SGIP1: variants seen among roughly 807,000 people sequenced by gnomAD.
SGIP1 encodes SH3GL interacting endocytic adaptor 1.
A neutral mutation model predicts 107.5 loss-of-function variants in SGIP1; 38 were observed. The observed-to-expected ratio is 0.35, with a 90% CI of 0.27 to 0.46. The LOEUF (loss-of-function observed/expected upper bound fraction) is 0.46, where lower values mean the gene tolerates loss of function less well. Among genes scored for constraint, SGIP1 ranks in the 20% least tolerant of loss-of-function variants. SGIP1 has a pLI of 1.00. For synonymous variants in SGIP1, 365 were observed against 366.1 expected (o/e 1.00, Z 0.03); for missense variants, 929 against 1,019.5 (o/e 0.91, Z 1.21).
intron 1 of SGIP1, among the ~76,000 whole-genome samples, chr1:66,611,250 A>G (rs1317211351): frequency 6.6e-6 from 1 of 152,250 alleles, no homozygotes; most frequent in East Asian, 1.9e-4. Flanking sequence ...GATAAGATCC[A>G]TTTTGTGGAT....
At chr1:66,580,012 A>T (rs1229960936) in intron 1 of SGIP1, among the ~76,000 whole-genome samples, 1 of 152,122 alleles carries the variant, frequency 6.6e-6, no homozygotes, top group African/African-American at 2.4e-5. Flanking sequence ...TTTCACTCTG[A>T]TCTAAGGCAC....
At chr1:66,638,648 G>T (rs557241973) in intron 4 of SGIP1, among the ~76,000 whole-genome samples, 38 of 152,266 alleles carry the variant, frequency 2.5e-4, no homozygotes, top group African/African-American at 8.9e-4. Flanking sequence ...AGCCCTGCTA[G>T]TCCATAGAAT....
intron 24 of SGIP1, 103 bp from the exon 25 acceptor site, chr1:66,742,970 C>G: frequency 8.6e-7 from 1 of 1,161,442 alleles, no homozygotes; most frequent in Non-Finnish European, 1.3e-6. Context: ...TATGCAGTAT[C>G]TGGCTCCTAG....
intron 22 of SGIP1, among the ~76,000 whole-genome samples, chr1:66,740,456 T>C (rs775465258): frequency 6.6e-5 from 10 of 152,196 alleles, no homozygotes; most frequent in Admixed American, 6.5e-5. Context: ...CATGGTGTTC[T>C]AGCTAGTTAC....
chr1:66,695,303 A>G, intron 17 of SGIP1, 131 bp from the exon 18 acceptor site: 1 of 1,428,176 alleles, frequency 7.0e-7, no homozygotes, highest in East Asian at 3.0e-5. Context: ...TTTTTCCTGC[A>G]CGCTAATGGC....
At chr1:66,578,869 C>T (rs1298701431) in intron 1 of SGIP1, among the ~76,000 whole-genome samples, 1 of 152,132 alleles carries the variant, frequency 6.6e-6, no homozygotes, top group Non-Finnish European at 1.5e-5. Context: ...TGGGGTATGT[C>T]CATGTTGGTC....
chr1:66,678,351 C>T (rs1442134638), intron 13 of SGIP1, among the ~76,000 whole-genome samples: 1 of 152,218 alleles, frequency 6.6e-6, no homozygotes, highest in Non-Finnish European at 1.5e-5. Context: ...GTCTTACGTG[C>T]TGTGGTTACA....
intron 8 of SGIP1, among the ~76,000 whole-genome samples, chr1:66,661,534 T>A (rs2081472924): frequency 6.6e-6 from 1 of 152,162 alleles, no homozygotes; most frequent in Non-Finnish European, 1.5e-5. Flanking sequence ...TGAGCCCAAC[T>A]CTTTTGGTTT....
At chr1:66,610,026 T>C (rs573219057) in intron 1 of SGIP1, among the ~76,000 whole-genome samples, 2 of 152,236 alleles carry the variant, frequency 1.3e-5, no homozygotes, top group East Asian at 3.9e-4. Context: ...TAACAGAAAA[T>C]TTAATCAAAA....
In SGIP1 at chr1:66,651,830, T is replaced by G. The variant is rs184298323; in HGVS notation, c.459+8111T>G. ...TATTATATATGCAGATTGTTTGCACTTTTGTTTTAAATGTTAAGGAATGAT... is the reference window on the plus strand; with the variant it reads ...TATTATATATGCAGATTGTTTGCACGTTTGTTTTAAATGTTAAGGAATGAT... On this transcript the variant is annotated intron_variant, in intron 7 of 24. Coordinates refer to ENST00000371037, the MANE Select transcript of SGIP1 (RefSeq NM_032291.4). 3.3e-3 allele frequency among the ~76,000 whole-genome samples: 499 copies of G among 152,346 alleles called. 6 individuals are homozygous for G. Among genetic ancestry groups the G allele is most frequent in the African/African-American group, 0.012 (480 of 41,592 alleles).
At chr1:66,725,418 G>T (rs969435350) in intron 19 of SGIP1, among the ~76,000 whole-genome samples, 4 of 152,200 alleles carry the variant, frequency 2.6e-5, no homozygotes, top group Admixed American at 2.6e-4. Context: ...TCCAATGTGA[G>T]CAAAGTTTTC....
chr1:66,580,049 T>G (rs1041300468), intron 1 of SGIP1, among the ~76,000 whole-genome samples: 7 of 152,290 alleles, frequency 4.6e-5, no homozygotes, highest in African/African-American at 1.7e-4. Context: ...TTTATTTTAA[T>G]AGCCTCCTAA....
At chr1:66,639,530 T>G (rs2076393222) in intron 4 of SGIP1, among the ~76,000 whole-genome samples, 1 of 152,216 alleles carries the variant, frequency 6.6e-6, no homozygotes, top group Non-Finnish European at 1.5e-5. Flanking sequence ...ATCGTTAATA[T>G]CCCTGTGCCT....
At chr1:66,741,772 T>A (rs79187433) in intron 24 of SGIP1, among the ~76,000 whole-genome samples, 1 of 106,274 alleles carries the variant, frequency 9.4e-6, no homozygotes, top group African/African-American at 3.2e-5. Context: ...TTTTTATTTA[T>A]TTTTTTTTTT....
chr1:66,681,784 T>G (rs1308480193), intron 14 of SGIP1, 85 bp from the exon 15 acceptor site: 1 of 1,407,554 alleles, frequency 7.1e-7, no homozygotes, highest in Non-Finnish European at 9.7e-7. Flanking sequence ...GACACCAATG[T>G]ATTTTCCAGT....
At chr1:66,686,397 T>G (rs2088275014) in intron 15 of SGIP1, among the ~76,000 whole-genome samples, 1 of 152,204 alleles carries the variant, frequency 6.6e-6, no homozygotes, top group Admixed American at 6.5e-5. Flanking sequence ...TCAGTGTATT[T>G]TGGGTTTTAA....
At chr1:66,740,793 A>G (rs1301492146) in intron 23 of SGIP1, 71 bp downstream of exon 23, 1 of 948,260 alleles carries the variant, frequency 1.1e-6, no homozygotes, top group Non-Finnish European at 1.6e-6. Context: ...GCCAACTATT[A>G]CCCAAAACAT....
chr1:66,743,113 AT>A lies in SGIP1; in HGVS notation c.*21del, dbSNP rs1398331165. On this transcript the variant is annotated 3_prime_UTR_variant, in exon 25 of 25. Coordinates refer to ENST00000371037, the MANE Select transcript of SGIP1 (RefSeq NM_032291.4). Reference sequence around the variant, plus strand: ...ATAACTAATGAAATCTTATGCAAGGATTTGGAGGATTCATATAATGGAGAAC... The same window carrying A: ...ATAACTAATGAAATCTTATGCAAGGATTGGAGGATTCATATAATGGAGAAC... 1.2e-6 allele frequency: 2 copies of A among 1,612,754 alleles called. No homozygotes were observed. Among genetic ancestry groups the A allele is most frequent in the Admixed American group, 3.3e-5 (2 of 59,972 alleles).
chr1:66,729,157 C>T lies in SGIP1; in HGVS notation c.1743-107C>T. The T allele has an allele frequency of 2.3e-6, 3 of 1,278,354 alleles. No individual in the cohort carries two copies. The South Asian group carries it at 4.2e-5, about 18-fold the overall frequency. The allele number at this position is 1,278,354 out of a possible 1,614,324, so 79.2% of individuals were successfully genotyped here. On this transcript the variant is annotated intron_variant, in intron 19 of 24. Coordinates refer to ENST00000371037, the MANE Select transcript of SGIP1 (RefSeq NM_032291.4). ...AATTGTAAGAGCCTGCCTTTTATCTCTTCTGCTATTTAACATTGCCTCATA... is the reference window on the plus strand; with the variant it reads ...AATTGTAAGAGCCTGCCTTTTATCTTTTCTGCTATTTAACATTGCCTCATA...
Sources: gnomAD v4.1 joint callset for allele counts (sites outside exome capture counted in the v4.1 genomes callset) on GRCh38, gnomAD v4.1.1 for gene constraint, MANE v1.5 for transcripts, NCBI Gene and HGNC (gene_info 2026-07-23, HGNC 2026-07-21) for gene names.